The following HSPG2 variants were observed in gnomAD, a reference collection of about 807,000 sequenced individuals.
HSPG2 encodes the protein heparan sulfate proteoglycan 2, also known as basement membrane-specific heparan sulfate proteoglycan core protein.
Under a neutral mutation model 526.6 loss-of-function variants are expected in HSPG2, and 278 were observed. That is an observed-to-expected ratio of 0.53 (90% CI 0.48 to 0.58). HSPG2 has a LOEUF of 0.58. HSPG2 is among the 20% of genes least tolerant of loss of function. HSPG2 has a pLI of 0.00. For missense variants in HSPG2, 5,354 were observed against 6,099.5 expected, an observed-to-expected ratio of 0.88 and a Z score of 4.07; for synonymous variants, 2,465 against 2,555.4, an observed-to-expected ratio of 0.96 and a Z score of 1.07.
intron 1 of HSPG2, among the ~76,000 whole-genome samples, chr1:21,934,993 G>A (rs1383451638): frequency 1.3e-5 from 2 of 151,836 alleles, no homozygotes; most frequent in African/African-American, 4.8e-5. Flanking sequence ...TGCAACCTCC[G>A]CCTCCTGGGT....
intron 86 of HSPG2, 61 bp from the exon 87 acceptor site, chr1:21,829,665 C>G: frequency 7.1e-7 from 1 of 1,403,780 alleles, no homozygotes; most frequent in South Asian, 1.3e-5. Context: ...TGGGGTCCAG[C>G]TACTCTGCCT....
chr1:21,926,035 G>A (rs536316633), intron 1 of HSPG2, among the ~76,000 whole-genome samples: 5 of 152,074 alleles, frequency 3.3e-5, no homozygotes, highest in East Asian at 3.9e-4. Flanking sequence ...TTACCATGTT[G>A]GCCAGGCTGC....
intron 33 of HSPG2, chr1:21,869,596 G>T (rs539864235): frequency 2.0e-6 from 2 of 985,958 alleles, no homozygotes; most frequent in Admixed American, 1.2e-4. Flanking sequence ...AGGGGGTTGG[G>T]GTTGGGCAGC....
At chr1:21,906,070 G>A (rs1643363513) in intron 1 of HSPG2, among the ~76,000 whole-genome samples, 1 of 152,250 alleles carries the variant, frequency 6.6e-6, no homozygotes, top group Non-Finnish European at 1.5e-5. Context: ...CTGAGGCTCA[G>A]AGAGCTAACT....
chr1:21,920,965 G>A (rs1644022233), intron 1 of HSPG2, among the ~76,000 whole-genome samples: 1 of 152,104 alleles, frequency 6.6e-6, no homozygotes, highest in African/African-American at 2.4e-5. Flanking sequence ...AGATCTTCCA[G>A]CTCATCCCCA....
chr1:21,895,427 C>T lies in HSPG2; in HGVS notation c.244+495G>A, dbSNP rs1272747382. Among the ~76,000 whole-genome samples the T allele has an allele frequency of 6.6e-6, 1 of 152,148 alleles. No homozygotes were observed. Among genetic ancestry groups the T allele is most frequent in the Non-Finnish European group, 1.5e-5 (1 of 68,004 alleles). On this transcript the variant is annotated intron_variant, in intron 3 of 96. Transcript: ENST00000374695. The surrounding 1 kb of genome is among the most constrained non-coding windows in gnomAD (Gnocchi z 4.1). ...CCCTTGCTTCCCAGCCGATGACCCA[C>T]CTTAAGGCAAGGTTCTCTCCCAAGC...
intron 1 of HSPG2, among the ~76,000 whole-genome samples, chr1:21,909,361 G>A (rs1292347589): frequency 6.6e-6 from 1 of 152,196 alleles, no homozygotes; most frequent in Non-Finnish European, 1.5e-5. Context: ...AGCAGACAGA[G>A]AGCACATGCT....
At chr1:21,906,657 A>C (rs1038695701) in intron 1 of HSPG2, among the ~76,000 whole-genome samples, 10 of 149,526 alleles carry the variant, frequency 6.7e-5, no homozygotes, top group African/African-American at 2.5e-4. Context: ...CACATCTGGG[A>C]AAGGCTGGTT....
chr1:21,893,342 C>T lies in HSPG2; in HGVS notation c.244+2580G>A, dbSNP rs1642503422. Among the ~76,000 whole-genome samples the T allele has an allele frequency of 6.6e-6, 1 of 152,206 alleles. No individual in the cohort carries two copies. Among genetic ancestry groups the T allele is most frequent in the South Asian group, 2.1e-4 (1 of 4,834 alleles). ...GAAGAACGCCCGCCAGGGTTCCAGC[C>T]CACTGTGTTTAGATCTGTGGGCCCA... On this transcript the variant is annotated intron_variant, in intron 3 of 96. Coordinates refer to ENST00000374695, the MANE Select transcript of HSPG2 (RefSeq NM_005529.7). The surrounding 1 kb of genome is among the most constrained non-coding windows in gnomAD (Gnocchi z 4.3).
In HSPG2 at chr1:21,876,614, G is replaced by T. The variant is rs749963252; in HGVS notation, c.2724C>A (p.Asp908Glu). 2.5e-6 allele frequency: 4 copies of T among 1,614,222 alleles called. No homozygotes were observed. The South Asian group carries it at 4.4e-5, about 18-fold the overall frequency. ...VVGRLCNECA[D>E]GSFHLSTRNP... ...TTCGGGTACTCAGGTGGAAAGAGCC[G>T]TCAGCACATTCATTGCACAAGCGCC... Residue 908 changes from aspartate (D) to glutamate (E), a missense_variant, in exon 22 of 97, where the codon GAC becomes GAA. By Grantham distance (45) the Asp-to-Glu change is conservative. Transcript: ENST00000374695.
intron 1 of HSPG2, among the ~76,000 whole-genome samples, chr1:21,925,323 AAAC>A (rs1190046323): frequency 6.6e-6 from 1 of 152,196 alleles, no homozygotes; most frequent in African/African-American, 2.4e-5. Context: ...AGGGCTGTTG[AAAC>A]AACACAACGC....
intron 33 of HSPG2, among the ~76,000 whole-genome samples, chr1:21,866,135 A>G (rs1477117976): frequency 6.6e-6 from 1 of 152,160 alleles, no homozygotes; most frequent in East Asian, 1.9e-4. Flanking sequence ...AAGGCAGACA[A>G]GTGTAATGAC....
chr1:21,936,321 C>T (rs959451910), intron 1 of HSPG2, among the ~76,000 whole-genome samples: 1 of 152,192 alleles, frequency 6.6e-6, no homozygotes, highest in Admixed American at 6.5e-5. Context: ...CACCTAAGCT[C>T]AGAGTAGGGG....
In HSPG2 at chr1:21,854,715, C is replaced by T. The variant is rs374134362; in HGVS notation, c.6184G>A (p.Val2062Met). ...AGGTCGAGTGTTTGCCCTTCTGTCA[C>T]AGAAGGCGATGAGGACTCAATCTTG... ...PVKIESSSPS[V>M]TEGQTLDLNC... Residue 2062 changes from valine (V) to methionine (M), a missense_variant, in exon 49 of 97, where the codon GTG becomes ATG. Coordinates refer to ENST00000374695, the MANE Select transcript of HSPG2 (RefSeq NM_005529.7). The T allele has an allele frequency of 6.2e-7, 1 of 1,613,250 alleles. No homozygotes were observed. Among genetic ancestry groups the T allele is most frequent in the Non-Finnish European group, 8.5e-7 (1 of 1,179,746 alleles).
chr1:21,926,443 G>C (rs1252582905), intron 1 of HSPG2, among the ~76,000 whole-genome samples: 1 of 152,050 alleles, frequency 6.6e-6, no homozygotes, highest in African/African-American at 2.4e-5. Flanking sequence ...GGCAGGAAAG[G>C]GTGAAGAGCC....
chr1:21,874,846 A>G, intron 26 of HSPG2, 45 bp downstream of exon 26: 1 of 1,547,322 alleles, frequency 6.5e-7, no homozygotes, highest in Non-Finnish European at 8.9e-7. Flanking sequence ...AGCGGGAAGC[A>G]CCATGGAGGG....
intron 1 of HSPG2, among the ~76,000 whole-genome samples, chr1:21,929,330 G>C (rs1207504906): frequency 6.6e-6 from 1 of 152,194 alleles, no homozygotes; most frequent in Admixed American, 6.5e-5. Flanking sequence ...GCTGGAGATG[G>C]GTAGGGGGAT....
In HSPG2 at chr1:21,864,232, G is replaced by A; in HGVS notation, c.4627-19C>T. The A allele has an allele frequency of 7.1e-6, 11 of 1,543,166 alleles. No individual in the cohort carries two copies. The highest frequency in any genetic ancestry group is 2.4e-5 in the East Asian group (1 of 40,904). On this transcript the variant is annotated intron_variant, in intron 36 of 96. Transcript: ENST00000374695. This position sits in a 1 kb window ranked among gnomAD's most constrained non-coding sequence, Gnocchi z 4.8. ...CACAGTCCTAGGGGCAGAGAGGAAG[G>A]TTGGCCTCTGTTCCCAACGTGCCCC...
At chr1:21,874,160 A>G in intron 28 of HSPG2, 149 bp from the exon 29 acceptor site, 1 of 838,856 alleles carries the variant, frequency 1.2e-6, no homozygotes, top group Non-Finnish European at 1.9e-6. Flanking sequence ...CACTGTGCTA[A>G]GAGTTCCACA....
Sources: allele counts gnomAD v4.1 joint callset (sites outside exome capture counted in the v4.1 genomes callset), GRCh38; gene constraint gnomAD v4.1.1; non-coding constraint Gnocchi (gnomAD v3.1); transcripts MANE v1.5; gene names NCBI Gene and HGNC (gene_info 2026-07-23, HGNC 2026-07-21).